Variants in TNFSF4 observed in about 807,000 individuals in gnomAD.
TNFSF4 encodes tumor necrosis factor ligand superfamily member 4.
In TNFSF4, 4 loss-of-function variants were observed where a neutral mutation model predicts 7.3. The ratio of observed to expected loss-of-function variants is 0.55; its 90% CI spans 0.27 to 1.25. The LOEUF (loss-of-function observed/expected upper bound fraction) is 1.25, where lower values mean the gene tolerates loss of function less well. Ranked by LOEUF, TNFSF4 falls within the 50% of genes most tolerant of loss-of-function variation. TNFSF4 has a pLI of 0.12. For missense variants in TNFSF4, 181 were observed against 208.8 expected (o/e 0.87, Z 0.82); for synonymous variants, 76 against 83.7 (o/e 0.91, Z 0.50).
chr1:173,279,628 C>T, the TNFSF4 span, among the ~76,000 whole-genome samples: 2 of 152,076 alleles, frequency 1.3e-5, no homozygotes, highest in African/African-American at 4.8e-5. Flanking sequence ...AACGTGGCAC[C>T]AGCCAACTTG....
the TNFSF4 span, among the ~76,000 whole-genome samples, chr1:173,440,001 G>A: frequency 8.3e-4 from 127 of 152,292 alleles, no homozygotes; most frequent in African/African-American, 2.9e-3. Flanking sequence ...TGGCTCCCAA[G>A]CCCATTTTCT....
At chr1:173,181,923 C>T (rs1234312), downstream of TNFSF4, among the ~76,000 whole-genome samples, 2,559 of 152,246 alleles carry the variant, frequency 0.017, 35 homozygotes, top group Middle Eastern at 0.048. Flanking sequence ...CCACATACTC[C>T]GTAAGGAAGG....
chr1:173,214,307 T>G, the TNFSF4 span, among the ~76,000 whole-genome samples: 1 of 152,328 alleles, frequency 6.6e-6, no homozygotes, highest in East Asian at 1.9e-4. Flanking sequence ...CAGCTTTGTT[T>G]ACTCTGGAGC....
chr1:173,212,619 G>T, the TNFSF4 span, among the ~76,000 whole-genome samples: 1 of 151,280 alleles, frequency 6.6e-6, no homozygotes, highest in Non-Finnish European at 1.5e-5. Flanking sequence ...CTACTATTTG[G>T]TAGCACAATA....
chr1:173,205,618 G>T, intron 1 of TNFSF4: 1 of 1,118,544 alleles, frequency 8.9e-7, no homozygotes, highest in Non-Finnish European at 1.1e-6. Context: ...GCACTCTCAG[G>T]GCTCCCAGAC....
At chr1:173,356,319 A>G in the TNFSF4 span, among the ~76,000 whole-genome samples, 3 of 152,232 alleles carry the variant, frequency 2.0e-5, no homozygotes, top group Non-Finnish European at 4.4e-5. Context: ...TTTGATGAGA[A>G]GGGGTATTAG....
the TNFSF4 span, among the ~76,000 whole-genome samples, chr1:173,217,732 T>G: frequency 1.3e-5 from 2 of 152,194 alleles, no homozygotes; most frequent in African/African-American, 4.8e-5. Flanking sequence ...ATCTGTTTCT[T>G]TCAATTTTTT....
At chr1:173,192,418 T>A (rs1571190086) in intron 1 of TNFSF4, among the ~76,000 whole-genome samples, 1 of 152,106 alleles carries the variant, frequency 6.6e-6, no homozygotes, top group East Asian at 1.9e-4. Context: ...TGAAAAGACA[T>A]GGAGGAATAT....
At chr1:173,222,386 G>T in the TNFSF4 span, among the ~76,000 whole-genome samples, 10 of 152,310 alleles carry the variant, frequency 6.6e-5, no homozygotes, top group Middle Eastern at 3.4e-3. Context: ...GGGAAAGTTA[G>T]TTGCATCAAT....
the TNFSF4 span, among the ~76,000 whole-genome samples, chr1:173,404,547 TC>T: frequency 4.1e-4 from 63 of 152,310 alleles, no homozygotes; most frequent in South Asian, 2.3e-3. Context: ...GGGATGCTTT[TC>T]CCAGTCACCC....
At chr1:173,376,935 C>A in the TNFSF4 span, among the ~76,000 whole-genome samples, 1 of 152,062 alleles carries the variant, frequency 6.6e-6, no homozygotes, top group African/African-American at 2.4e-5. Flanking sequence ...CAAACAACTC[C>A]GGACGCACCA....
At chr1:173,256,112 A>G in the TNFSF4 span, among the ~76,000 whole-genome samples, 3 of 152,356 alleles carry the variant, frequency 2.0e-5, no homozygotes, top group South Asian at 6.2e-4. Flanking sequence ...GTCCATAAAC[A>G]TATCAATGAA....
the TNFSF4 span, among the ~76,000 whole-genome samples, chr1:173,250,463 G>GTTTTTTTTT: frequency 7.1e-6 from 1 of 139,924 alleles, no homozygotes; most frequent in Non-Finnish European, 1.6e-5. Context: ...TTGTTTTTTT[G>GTTTTTTTTT]TTTTTTTTTT....
the TNFSF4 span, among the ~76,000 whole-genome samples, chr1:173,176,314 C>T: frequency 6.6e-6 from 1 of 151,970 alleles, no homozygotes. Context: ...AGGAATATTT[C>T]ACTATTTAAT....
the TNFSF4 span, among the ~76,000 whole-genome samples, chr1:173,403,632 G>A: frequency 1.3e-3 from 193 of 152,300 alleles, no homozygotes; most frequent in Non-Finnish European, 2.3e-3. Context: ...AGCTGGGCGC[G>A]GTGGCTCACG....
At chr1:173,345,293 C>T in the TNFSF4 span, among the ~76,000 whole-genome samples, 1 of 152,148 alleles carries the variant, frequency 6.6e-6, no homozygotes, top group East Asian at 1.9e-4. Flanking sequence ...TTTATTAGTC[C>T]AGTGGAAAAG....
chr1:173,211,685 A>C (rs1435726669), upstream of TNFSF4, among the ~76,000 whole-genome samples: 1 of 152,202 alleles, frequency 6.6e-6, no homozygotes, highest in South Asian at 2.1e-4. Context: ...ATTCCCCATG[A>C]AGGGCTGTCC....
At chr1:173,262,494 G>C in the TNFSF4 span, among the ~76,000 whole-genome samples, 1 of 151,636 alleles carries the variant, frequency 6.6e-6, no homozygotes, top group African/African-American at 2.4e-5. Context: ...AATCAGGCGA[G>C]AGAAAGAAAT....
the TNFSF4 span, among the ~76,000 whole-genome samples, chr1:173,367,903 A>T: frequency 6.6e-6 from 1 of 152,108 alleles, no homozygotes; most frequent in African/African-American, 2.4e-5. Flanking sequence ...TTGAGTGGGG[A>T]CTTGGGGAAC....
Sources: allele counts gnomAD v4.1 joint callset (sites outside exome capture counted in the v4.1 genomes callset), GRCh38; gene constraint gnomAD v4.1.1; transcripts MANE v1.5; gene names NCBI Gene and HGNC (gene_info 2026-07-23, HGNC 2026-07-21).